NUTF2: variants seen among roughly 807,000 people sequenced by gnomAD.
NUTF2 encodes the protein placental protein 15.
Under a neutral mutation model 18.5 loss-of-function variants are expected in NUTF2, and 3 were observed. The observed-to-expected ratio is 0.16, with a 90% CI of 0.07 to 0.42. The LOEUF is 0.42. NUTF2 is among the 10% of genes least tolerant of loss of function. The probability of loss-of-function intolerance (pLI) is 0.99; values close to 1 mark genes in which losing one functional copy is unlikely to be tolerated. For missense variants in NUTF2, 44 were observed against 160.7 expected, an observed-to-expected ratio of 0.27 and a Z score of 3.93; for synonymous variants, 51 against 57.9, an observed-to-expected ratio of 0.88 and a Z score of 0.54.
At chr16:67,851,754 G>A (rs960276732) in intron 1 of NUTF2, among the ~76,000 whole-genome samples, 25 of 152,030 alleles carry the variant, frequency 1.6e-4, no homozygotes, top group Non-Finnish European at 3.5e-4. Context: ...AGTGGCTCAC[G>A]CCTGTAATCC....
chr16:67,859,735 A>G (rs1177780668), intron 1 of NUTF2, among the ~76,000 whole-genome samples: 2 of 146,608 alleles, frequency 1.4e-5, no homozygotes, highest in African/African-American at 2.5e-5. Context: ...ACCTCAGGTG[A>G]TCCACCCGCC....
In NUTF2 at chr16:67,871,149, G is replaced by T; in HGVS notation, c.*236G>T. On this transcript the variant is annotated 3_prime_UTR_variant, in exon 5 of 5. Transcript: ENST00000219169. ...CATGCCTTGGAAAGACTTAAGTAAT[G>T]CAAAAGGTTGTCCTTTTTTTTTTTT... 4 of 316,162 alleles carry T rather than the reference G, an allele frequency of 1.3e-5. No homozygotes were observed. The highest frequency in any genetic ancestry group is 2.3e-5 in the Non-Finnish European group (4 of 174,024). The allele number at this position is 316,162 out of a possible 1,614,324, so 19.6% of individuals were successfully genotyped here.
intron 1 of NUTF2, chr16:67,847,471 C>A (rs1328184649): frequency 6.6e-6 from 1 of 152,296 alleles, no homozygotes; most frequent in African/African-American, 2.4e-5. Context: ...GGGCGCCCGC[C>A]TGCCGCAGCC....
rs181665243 is a variant in NUTF2, at chr16:67,866,556, C to T, written c.99+1327C>T. Among the ~76,000 whole-genome samples, 359 of 152,116 alleles carry T rather than the reference C, an allele frequency of 2.4e-3. 3 individuals are homozygous for T. The highest frequency in any genetic ancestry group is 1.8e-3 in the Non-Finnish European group (120 of 67,984). ...TCTTGGCTCACTGCAATGTCCATCTCCTGGGTTCAAGCTATTCTCCCATCT... is the reference window on the plus strand; with the variant it reads ...TCTTGGCTCACTGCAATGTCCATCTTCTGGGTTCAAGCTATTCTCCCATCT... On this transcript the variant is annotated intron_variant, in intron 2 of 4. Coordinates refer to ENST00000219169, the MANE Select transcript of NUTF2 (RefSeq NM_005796.3).
intron 2 of NUTF2, among the ~76,000 whole-genome samples, chr16:67,867,152 A>G (rs1192462005): frequency 6.6e-6 from 1 of 151,692 alleles, no homozygotes; most frequent in Non-Finnish European, 1.5e-5. Context: ...TTGTATTTTT[A>G]GGAGAGACGG....
intron 1 of NUTF2, among the ~76,000 whole-genome samples, chr16:67,853,923 A>G (rs903915616): frequency 1.3e-5 from 2 of 152,098 alleles, no homozygotes; most frequent in Non-Finnish European, 2.9e-5. Flanking sequence ...CTGGGATTAT[A>G]GGGAACAGCC....
intron 1 of NUTF2, among the ~76,000 whole-genome samples, chr16:67,863,791 G>C (rs2057950327): frequency 6.6e-6 from 1 of 152,206 alleles, no homozygotes; most frequent in Non-Finnish European, 1.5e-5. Context: ...AAACATGTGG[G>C]TCTGCAGTCA....
At chr16:67,861,624 A>G (rs2057935879) in intron 1 of NUTF2, among the ~76,000 whole-genome samples, 1 of 152,160 alleles carries the variant, frequency 6.6e-6, no homozygotes, top group Admixed American at 6.5e-5. Context: ...CTGCTCCTCA[A>G]GGAGCCTGGC....
At chr16:67,865,336 A>G (rs1598167939) in intron 2 of NUTF2, 107 bp downstream of exon 2, 1 of 729,208 alleles carries the variant, frequency 1.4e-6, no homozygotes, top group Non-Finnish European at 2.3e-6. Context: ...GACTGGCTAC[A>G]CCTCTGTATC....
intron 1 of NUTF2, among the ~76,000 whole-genome samples, chr16:67,860,639 G>T (rs1375156516): frequency 6.6e-6 from 1 of 152,208 alleles, no homozygotes; most frequent in Non-Finnish European, 1.5e-5. Flanking sequence ...TCCAGGCTGT[G>T]CCTCAAGGCT....
intron 1 of NUTF2, among the ~76,000 whole-genome samples, chr16:67,851,763 C>A (rs2057859925): frequency 6.6e-6 from 1 of 152,116 alleles, no homozygotes; most frequent in Non-Finnish European, 1.5e-5. Flanking sequence ...CGCCTGTAAT[C>A]CCAGCACTTT....
At chr16:67,870,581 C>T in intron 4 of NUTF2, 1 of 566,156 alleles carries the variant, frequency 1.8e-6, no homozygotes, top group South Asian at 2.1e-5. Flanking sequence ...ACATAGCACA[C>T]ATAGGCGTGG....
At chr16:67,859,794 CCT>C (rs1491090455) in intron 1 of NUTF2, among the ~76,000 whole-genome samples, 5 of 120,026 alleles carry the variant, frequency 4.2e-5, no homozygotes, top group African/African-American at 1.2e-4. Context: ...CTGCGCCAGG[CCT>C]TTTTTTTTTT....
intron 1 of NUTF2, among the ~76,000 whole-genome samples, chr16:67,854,669 G>A (rs1193542249): frequency 1.3e-5 from 2 of 152,130 alleles, no homozygotes; most frequent in African/African-American, 2.4e-5. Context: ...TTTCTTGGCC[G>A]GGCACAGAGG....
chr16:67,855,094 CTT>C (rs1744357195), intron 1 of NUTF2, among the ~76,000 whole-genome samples: 3 of 152,282 alleles, frequency 2.0e-5, no homozygotes, highest in African/African-American at 7.2e-5. Flanking sequence ...TTGGCTACCC[CTT>C]TCCTGGCTTT....
intron 4 of NUTF2, 105 bp downstream of exon 4, chr16:67,868,704 C>T (rs892945611): frequency 2.8e-6 from 3 of 1,061,808 alleles, no homozygotes; most frequent in African/African-American, 1.6e-5. Flanking sequence ...GACACCCAGA[C>T]AAAGTGACTG....
In NUTF2 at chr16:67,870,767, C is replaced by T. The variant is rs900232299; in HGVS notation, c.271-33C>T. ...CTGAATTCCCTTCCTGTTTCTTGATCCCCTTACTGAATCCTCTTTTCTCTC... is the reference window on the plus strand; with the variant it reads ...CTGAATTCCCTTCCTGTTTCTTGATTCCCTTACTGAATCCTCTTTTCTCTC... On this transcript the variant is annotated intron_variant, in intron 4 of 4. Transcript: ENST00000219169. The T allele has an allele frequency of 5.9e-6, 9 of 1,531,762 alleles. No individual in the cohort carries two copies. In the South Asian group the frequency reaches 6.7e-5, roughly 11 times the overall value. 94.9% of individuals were successfully genotyped at this position (1,531,762 alleles called of 1,614,324 possible).
At chr16:67,849,771 G>A (rs746411571) in intron 1 of NUTF2, among the ~76,000 whole-genome samples, 9 of 152,018 alleles carry the variant, frequency 5.9e-5, no homozygotes, top group Non-Finnish European at 1.2e-4. Flanking sequence ...GCATTCTCCT[G>A]CCTCAGCCTC....
chr16:67,848,603 G>A (rs1352668801), intron 1 of NUTF2, among the ~76,000 whole-genome samples: 1 of 151,600 alleles, frequency 6.6e-6, no homozygotes, highest in Admixed American at 6.6e-5. Flanking sequence ...AAAGCTGGGT[G>A]TGGTGGCGTG....
Sources: allele counts gnomAD v4.1 joint callset (sites outside exome capture counted in the v4.1 genomes callset), GRCh38; gene constraint gnomAD v4.1.1; transcripts MANE v1.5; gene names NCBI Gene and HGNC (gene_info 2026-07-23, HGNC 2026-07-21).